SLFN12L: variants seen among roughly 807,000 people sequenced by gnomAD.
The protein encoded by SLFN12L is schlafen family member 12-like.
Under a neutral mutation model 34.8 loss-of-function variants are expected in SLFN12L, and 34 were observed. That is an observed-to-expected ratio of 0.98 (90% CI 0.74 to 1.30). The LOEUF (loss-of-function observed/expected upper bound fraction) is 1.30, where lower values mean the gene tolerates loss of function less well. Ranked by LOEUF, SLFN12L falls within the 50% of genes most tolerant of loss-of-function variation. The pLI, the probability that SLFN12L is intolerant of heterozygous loss-of-function variation, is 0.00. For missense variants in SLFN12L, 703 were observed against 696.2 expected (o/e 1.01, Z -0.11); for synonymous variants, 259 against 247.5 (o/e 1.05, Z -0.44).
Position 35,482,777 on chromosome 17 carries a change from G to A in SLFN12L, c.87-2582C>T, listed in dbSNP as rs141224012. On this transcript the variant is annotated intron_variant, in intron 2 of 4. Transcript: ENST00000628453. ...GACAGATTCCTGGGTCAAAGGCGGC[G>A]GGTCCCCAGTAGGGCCACACCTTCA... 1.2e-3 allele frequency among the ~76,000 whole-genome samples: 181 copies of A among 152,234 alleles called. 1 individual carries two copies. The highest frequency in any genetic ancestry group is 9.1e-3 in the East Asian group (47 of 5,148).
Position 35,533,378 on chromosome 17 carries a change from C to T in SLFN12L, c.-606+4195G>A, listed in dbSNP as rs539689965. On this transcript the variant is annotated intron_variant, in intron 1 of 4. Transcript: ENST00000628453. ...TTATTTGCCTAGCACTGTGCTAAAT[C>T]CAGAAAAGACAGTGGTGAACAAAAC... Among the ~76,000 whole-genome samples the T allele has an allele frequency of 1.9e-4, 29 of 152,254 alleles. 1 individual carries two copies. In the South Asian group the frequency reaches 3.5e-3, roughly 18 times the overall value.
chr17:35,478,081 G>T lies in SLFN12L; in HGVS notation c.1270C>A (p.Leu424Ile). 1 of 1,530,556 alleles carries T rather than the reference G, an allele frequency of 6.5e-7. No homozygotes were observed. The highest frequency in any genetic ancestry group is 8.9e-7 in the Non-Finnish European group (1 of 1,129,494). The allele number at this position is 1,530,556 out of a possible 1,614,324, so 94.8% of individuals were successfully genotyped here. A position where few individuals can be genotyped will look rare whatever the true frequency, so the allele number is the denominator to read the frequency against. ...GAAGCCAGAATTAAATTACCTGGAA[G>T]GTGATATCTCAGTGGCTGAATTTTG... ...NFKIQPLRYHLPGLSEKITCA... is the reference protein window; with the variant it reads ...NFKIQPLRYHIPGLSEKITCA... Residue 424 changes from leucine (L) to isoleucine (I), a missense_variant, in exon 4 of 5, where the codon CTT becomes ATT. Coordinates refer to ENST00000628453, the MANE Select transcript of SLFN12L (RefSeq NM_001363830.2).
rs909572444 is a variant in SLFN12L at position 35,465,029 on chromosome 17, A to G, written c.*9894T>C. ...GTAGCTGGGACTACGGGAGCACACC[A>G]CCACATCCAGCTAATTTTTGTATTT... is the stretch of plus-strand genomic sequence containing the variant. On this transcript the variant is annotated 3_prime_UTR_variant, in exon 5 of 5. Coordinates refer to ENST00000628453, the MANE Select transcript of SLFN12L (RefSeq NM_001363830.2). Among the ~76,000 whole-genome samples the G allele has an allele frequency of 6.6e-6, 1 of 152,168 alleles. No individual in the cohort carries two copies. Among genetic ancestry groups the G allele is most frequent in the African/African-American group, 2.4e-5 (1 of 41,438 alleles).
In SLFN12L at chr17:35,471,218, C is replaced by A. The variant is rs188610074; in HGVS notation, c.*3705G>T. On this transcript the variant is annotated 3_prime_UTR_variant, in exon 5 of 5. Coordinates refer to ENST00000628453, the MANE Select transcript of SLFN12L (RefSeq NM_001363830.2). ...ATGGGGTGATCTTGGCTCACTGCAA[C>A]CTCTGCCTCCCGGGTTCAAGCAATT... Among the ~76,000 whole-genome samples the A allele has an allele frequency of 3.3e-5, 5 of 151,394 alleles. No individual in the cohort carries two copies. The highest frequency in any genetic ancestry group is 1.2e-4 in the African/African-American group (5 of 41,216).
chr17:35,487,876 C>G, intron 2 of SLFN12L: 1 of 927,656 alleles, frequency 1.1e-6, no homozygotes, highest in Non-Finnish European at 1.7e-6. Context: ...TGGCACCGCA[C>G]GCGCTGTTAT....
intron 2 of SLFN12L, chr17:35,487,722 G>A (rs1914647398): frequency 1.3e-6 from 2 of 1,532,754 alleles, no homozygotes; most frequent in South Asian, 1.2e-5. Flanking sequence ...AAAAGAGAAC[G>A]AACCTGGCGA....
At chr17:35,536,222 G>A (rs1420054700) in intron 1 of SLFN12L, among the ~76,000 whole-genome samples, 1 of 152,160 alleles carries the variant, frequency 6.6e-6, no homozygotes, top group Non-Finnish European at 1.5e-5. Context: ...AACCATTCTG[G>A]AATAATCTCC....
Position 35,522,806 on chromosome 17 carries a change from C to T in SLFN12L, c.-442G>A. ...GCAGAGCATCACAGATGACTCCTGG[C>T]TTCTCCTGCAAATTCAGGTCCACAG... is the stretch of plus-strand genomic sequence containing the variant. On this transcript the variant is annotated 5_prime_UTR_variant, in exon 2 of 5. Transcript: ENST00000628453. The T allele has an allele frequency of 6.7e-7, 1 of 1,489,952 alleles. No homozygotes were observed. Among genetic ancestry groups the T allele is most frequent in the Non-Finnish European group, 9.3e-7 (1 of 1,076,426 alleles). The allele number at this position is 1,489,952 out of a possible 1,614,324, so 92.3% of individuals were successfully genotyped here.
At position 35,469,050 on chromosome 17, in the gene SLFN12L, C is replaced by T. The variant is rs9909410; in HGVS notation, c.*5873G>A. On this transcript the variant is annotated 3_prime_UTR_variant, in exon 5 of 5. Transcript: ENST00000628453. ...TAACAAAAATTAATGGATAGTATTG[C>T]CTTTCTCTGAAGGCTGTTGCCTCCT... is the stretch of plus-strand genomic sequence containing the variant. 0.017 allele frequency among the ~76,000 whole-genome samples: 2,648 copies of T among 151,576 alleles called. 78 individuals are homozygous for T. Among genetic ancestry groups the T allele is most frequent in the African/African-American group, 0.059 (2,436 of 41,228 alleles).
intron 2 of SLFN12L, among the ~76,000 whole-genome samples, chr17:35,489,321 G>C (rs890265336): frequency 6.6e-6 from 1 of 152,098 alleles, no homozygotes; most frequent in African/African-American, 2.4e-5. Flanking sequence ...GAGCGGAGGA[G>C]ACAGGAAGGT....
At chr17:35,502,532 C>T (rs1414481804) in intron 2 of SLFN12L, among the ~76,000 whole-genome samples, 8 of 151,122 alleles carry the variant, frequency 5.3e-5, no homozygotes, top group Middle Eastern at 3.5e-3. Flanking sequence ...TACAAAGGTC[C>T]GACCAGACCT....
At chr17:35,480,252 TTA>T (rs777464976) in intron 2 of SLFN12L, 57 bp from the exon 3 acceptor site, 3 of 1,336,714 alleles carry the variant, frequency 2.2e-6, no homozygotes, top group Non-Finnish European at 2.0e-6. Context: ...AAATTCTGCA[TTA>T]TGAGGCAAAC....
chr17:35,515,756 G>C (rs1192135684), intron 2 of SLFN12L, among the ~76,000 whole-genome samples: 1 of 146,234 alleles, frequency 6.8e-6, no homozygotes, highest in Non-Finnish European at 1.5e-5. Context: ...CGATTCTCCT[G>C]ACCCAGCCGC....
chr17:35,522,595 G>A lies in SLFN12L; in HGVS notation c.-231C>T. 1 of 1,609,822 alleles carries A rather than the reference G, an allele frequency of 6.2e-7. No homozygotes were observed. Among genetic ancestry groups the A allele is most frequent in the Non-Finnish European group, 8.5e-7 (1 of 1,178,056 alleles). ...GGTGCCTGCAAAACTATAGGACGCA[G>A]GGTAATCCATCGGAGACACTGCAGC... is the stretch of plus-strand genomic sequence containing the variant. On this transcript the variant is annotated 5_prime_UTR_variant, in exon 2 of 5. Coordinates refer to ENST00000628453, the MANE Select transcript of SLFN12L (RefSeq NM_001363830.2).
intron 2 of SLFN12L, among the ~76,000 whole-genome samples, chr17:35,505,015 G>A (rs1915422271): frequency 6.6e-6 from 1 of 152,138 alleles, no homozygotes; most frequent in African/African-American, 2.4e-5. Context: ...AGCCCCTTAT[G>A]GGTCTTTCAA....
intron 2 of SLFN12L, among the ~76,000 whole-genome samples, chr17:35,520,304 C>T (rs982708473): frequency 6.6e-6 from 1 of 152,228 alleles, no homozygotes; most frequent in African/African-American, 2.4e-5. Context: ...GATAACAAGA[C>T]CACCAACCAT....
intron 2 of SLFN12L, among the ~76,000 whole-genome samples, chr17:35,512,488 C>T (rs1248891236): frequency 6.6e-6 from 1 of 151,912 alleles, no homozygotes; most frequent in Non-Finnish European, 1.5e-5. Context: ...ACCTCAGCCT[C>T]CTGAGTAGCT....
chr17:35,516,918 T>C (rs1225148508), intron 2 of SLFN12L, among the ~76,000 whole-genome samples: 1 of 152,212 alleles, frequency 6.6e-6, no homozygotes, highest in East Asian at 1.9e-4. Flanking sequence ...TTAAAAATGA[T>C]TCATGTAATT....
intron 4 of SLFN12L, among the ~76,000 whole-genome samples, chr17:35,476,616 T>G (rs1450690066): frequency 6.6e-6 from 1 of 151,996 alleles, no homozygotes; most frequent in Non-Finnish European, 1.5e-5. Context: ...GAAACACAAA[T>G]TGTAATTCAA....
Sources: allele counts gnomAD v4.1 joint callset (sites outside exome capture counted in the v4.1 genomes callset), GRCh38; gene constraint gnomAD v4.1.1; transcripts MANE v1.5; gene names NCBI Gene and HGNC (gene_info 2026-07-23, HGNC 2026-07-21).